ECE2: variants seen among roughly 807,000 people sequenced by gnomAD.
ECE2 encodes the protein endothelin-converting enzyme 2.
A neutral mutation model predicts 100.6 loss-of-function variants in ECE2; 81 were observed. The observed-to-expected ratio is 0.81, with a 90% CI of 0.67 to 0.97. The LOEUF (loss-of-function observed/expected upper bound fraction) is 0.97, where lower values mean the gene tolerates loss of function less well. ECE2 is among the 50% of genes least tolerant of loss of function. The pLI, the probability that ECE2 is intolerant of heterozygous loss-of-function variation, is 0.00. For missense variants in ECE2, 911 were observed against 988.1 expected, an observed-to-expected ratio of 0.92 and a Z score of 1.05; for synonymous variants, 391 against 391.5, an observed-to-expected ratio of 1.00 and a Z score of 0.02.
In ECE2 at chr3:184,292,394, C is replaced by T. The variant is rs1721372720; in HGVS notation, c.*156C>T. The T allele has an allele frequency of 1.2e-6, 1 of 801,664 alleles. No individual in the cohort carries two copies. 49.7% of individuals were successfully genotyped at this position (801,664 alleles called of 1,614,324 possible). A position where few individuals can be genotyped will look rare whatever the true frequency, so the allele number is the denominator to read the frequency against. ...GACATGAGTACAGACCCTCCTCAAT[C>T]ACCACATTGTGCCTCTGCTTTGGGG... On this transcript the variant is annotated 3_prime_UTR_variant, in exon 19 of 19. Coordinates refer to ENST00000404464, the MANE Select transcript of ECE2 (RefSeq NM_001100121.2).
At chr3:184,283,561 C>CAAAAAAAAAAA (rs35761542) in intron 7 of ECE2, among the ~76,000 whole-genome samples, 4 of 53,088 alleles carry the variant, frequency 7.5e-5, no homozygotes, top group Non-Finnish European at 9.7e-5. Context: ...GACTCCATCT[C>CAAAAAAAAAAA]AAAAAAAAAA....
chr3:184,278,308 A>T lies in ECE2; in HGVS notation c.745A>T (p.Ile249Phe). 5 of 1,613,960 alleles carry T rather than the reference A, an allele frequency of 3.1e-6. No homozygotes were observed. The highest frequency in any genetic ancestry group is 4.2e-6 in the Non-Finnish European group (5 of 1,179,932). The part of the protein sequence containing the change: ...ADSKSSNSNV[I>F]QVDQSGLFLP... The stretch of plus-strand genomic sequence containing the variant: ...CTCTAAGAGTTCCAACAGCAATGTT[A>T]TCCAGGTGATGAGCTGGGAAAGGGT... The change falls in exon 6 of 19, where the codon ATC becomes TTC. Residue 249 changes from isoleucine to phenylalanine, a missense_variant. Coordinates refer to ENST00000404464, the MANE Select transcript of ECE2 (RefSeq NM_001100121.2).
At chr3:184,290,436 G>A (rs1721258778) in intron 14 of ECE2, 78 bp downstream of exon 14, 1 of 1,566,996 alleles carries the variant, frequency 6.4e-7, no homozygotes, top group East Asian at 2.2e-5. Context: ...GGGGAAAAGG[G>A]TGGCAAGACT....
At chr3:184,279,680 C>T (rs961066745) in intron 7 of ECE2, among the ~76,000 whole-genome samples, 2 of 144,206 alleles carry the variant, frequency 1.4e-5, no homozygotes, top group African/African-American at 5.1e-5. Flanking sequence ...AAAGTGTTGA[C>T]GAGGGAAAGG....
At chr3:184,277,900 C>G in intron 4 of ECE2, 25 bp from the exon 5 acceptor site, 1 of 1,608,954 alleles carries the variant, frequency 6.2e-7, no homozygotes, top group Non-Finnish European at 8.5e-7. Flanking sequence ...TAATTGCCAC[C>G]TGGATCCTGT....
chr3:184,284,115 G>A (rs1720928947), intron 8 of ECE2, 142 bp downstream of exon 8: 2 of 1,052,664 alleles, frequency 1.9e-6, no homozygotes, highest in South Asian at 1.6e-5. Context: ...CTGCACTGCT[G>A]CTGTCCTGGG....
In ECE2 at chr3:184,289,669, T is replaced by C; in HGVS notation, c.1502T>C (p.Phe501Ser). The change falls in exon 13 of 19, where the codon TTC (phenylalanine) becomes TCC (serine). Residue 501 changes from phenylalanine (F) to serine (S), a missense_variant. By Grantham distance (155) the Phe-to-Ser change is radical. Coordinates refer to ENST00000404464, the MANE Select transcript of ECE2 (RefSeq NM_001100121.2). This position sits in a 1 kb window ranked among gnomAD's most constrained non-coding sequence, Gnocchi z 4.1. Reference sequence around the variant, plus strand: ...GATGCCATCTATGATATGATTGGTTTCCCAGACTTTATCCTGGAGCCCAAA... The same window carrying C: ...GATGCCATCTATGATATGATTGGTTCCCCAGACTTTATCCTGGAGCCCAAA... ...KADAIYDMIG[F>S]PDFILEPKEL... The C allele has an allele frequency of 1.9e-6, 3 of 1,613,772 alleles. No homozygotes were observed. Among genetic ancestry groups the C allele is most frequent in the Non-Finnish European group, 2.5e-6 (3 of 1,179,872 alleles).
intron 7 of ECE2, 88 bp downstream of exon 7, chr3:184,278,645 C>T (rs1269918037): frequency 1.4e-6 from 2 of 1,445,586 alleles, no homozygotes; most frequent in Non-Finnish European, 1.9e-6. Flanking sequence ...AGGGTCAGAG[C>T]AGGGAAGGTG....
chr3:184,288,779 A>T (rs1367054959), intron 11 of ECE2, among the ~76,000 whole-genome samples: 1 of 152,228 alleles, frequency 6.6e-6, no homozygotes, highest in East Asian at 1.9e-4. Context: ...TTATCTATGA[A>T]TGAGTGCTTT....
chr3:184,287,067 A>T (rs1400008292), intron 10 of ECE2, among the ~76,000 whole-genome samples: 1 of 151,724 alleles, frequency 6.6e-6, no homozygotes, highest in African/African-American at 2.4e-5. Flanking sequence ...TGAAGTAAGG[A>T]GTTCAAGACC....
chr3:184,278,059 C>T lies in ECE2; in HGVS notation c.603+10C>T. ...AGACCTCATTGAGAAGGTAGGGCCA[C>T]TGAGCCGGTTGAGGGCAGGGGAGCA... On this transcript the variant is annotated intron_variant, in intron 5 of 18. Transcript: ENST00000404464. 1 of 1,613,908 alleles carries T rather than the reference C, an allele frequency of 6.2e-7. No homozygotes were observed. The highest frequency in any genetic ancestry group is 8.5e-7 in the Non-Finnish European group (1 of 1,179,968).
At position 184,289,864 on chromosome 3, in the gene ECE2, T is replaced by C. The variant is rs1466034610; in HGVS notation, c.1551+146T>C. 4 of 726,144 alleles carry C rather than the reference T, an allele frequency of 5.5e-6. No homozygotes were observed. Among genetic ancestry groups the C allele is most frequent in the Non-Finnish European group, 8.8e-6 (4 of 456,708 alleles). 45.0% of individuals were successfully genotyped at this position (726,144 alleles called of 1,614,324 possible). A position where few individuals can be genotyped will look rare whatever the true frequency, so the allele number is the denominator to read the frequency against. On this transcript the variant is annotated intron_variant, in intron 13 of 18. Coordinates refer to ENST00000404464, the MANE Select transcript of ECE2 (RefSeq NM_001100121.2). This position sits in a 1 kb window ranked among gnomAD's most constrained non-coding sequence, Gnocchi z 4.1. ...ATGGAGGTAACCAGCATTGTTAAAA[T>C]GTTGGCTCTGTGACAGGCTGCAGGC... is the stretch of plus-strand genomic sequence containing the variant.
In ECE2 at chr3:184,292,365, A is replaced by C. The variant is rs1721371355; in HGVS notation, c.*127A>C. Reference sequence around the variant, plus strand: ...GCTGGGTCTAGTCCCTCCCCCCCACAGGTGACATGAGTACAGACCCTCCTC... The same window carrying C: ...GCTGGGTCTAGTCCCTCCCCCCCACCGGTGACATGAGTACAGACCCTCCTC... On this transcript the variant is annotated 3_prime_UTR_variant, in exon 19 of 19. Transcript: ENST00000404464. 7 of 1,086,972 alleles carry C rather than the reference A, an allele frequency of 6.4e-6. No individual in the cohort carries two copies. Among genetic ancestry groups the C allele is most frequent in the East Asian group, 2.5e-5 (1 of 39,240 alleles). 67.3% of individuals were successfully genotyped at this position (1,086,972 alleles called of 1,614,324 possible).
At chr3:184,284,281 A>C (rs546280221) in intron 8 of ECE2, among the ~76,000 whole-genome samples, 1 of 152,080 alleles carries the variant, frequency 6.6e-6, no homozygotes, top group Non-Finnish European at 1.5e-5. Flanking sequence ...GGTGGCTGAC[A>C]TCTGTAATCC....
chr3:184,289,371 G>A lies in ECE2; in HGVS notation c.1375-66G>A. 6.8e-7 allele frequency: 1 copy of A among 1,464,886 alleles called. No homozygotes were observed. Among genetic ancestry groups the A allele is most frequent in the South Asian group, 1.2e-5 (1 of 82,380 alleles). The allele number at this position is 1,464,886 out of a possible 1,614,324, so 90.7% of individuals were successfully genotyped here. ...GGGTGGACAGGGATGGGGCACCAAG[G>A]GTGGATGGGTGGGGCAGGGATGCAT... On this transcript the variant is annotated intron_variant, in intron 11 of 18. Transcript: ENST00000404464. This position sits in a 1 kb window ranked among gnomAD's most constrained non-coding sequence, Gnocchi z 4.1.
At chr3:184,288,749 A>G (rs544957468) in intron 11 of ECE2, among the ~76,000 whole-genome samples, 17 of 152,234 alleles carry the variant, frequency 1.1e-4, no homozygotes, top group Non-Finnish European at 2.5e-4. Flanking sequence ...AGAAGTGGGT[A>G]ATCAAAATGT....
chr3:184,287,908 C>T lies in ECE2; in HGVS notation c.1335C>T (p.Leu445=). The T allele has an allele frequency of 1.2e-6, 2 of 1,614,208 alleles. No individual in the cohort carries two copies. The highest frequency in any genetic ancestry group is 1.7e-6 in the Non-Finnish European group (2 of 1,180,034). The change falls in exon 11 of 19, where the codon CTC becomes CTT. Residue 445 remains leucine, a synonymous_variant. Transcript: ENST00000404464. ...CCCTTGGCTTTGCTTTGGGGTCCCTCTTCGTGAAGGCCACGTTTGACCGGC... is the reference window on the plus strand; with the variant it reads ...CCCTTGGCTTTGCTTTGGGGTCCCTTTTCGTGAAGGCCACGTTTGACCGGC... ...DDALGFALGS[L]FVKATFDRQS...
At chr3:184,284,663 G>C (rs1410004902) in intron 8 of ECE2, among the ~76,000 whole-genome samples, 2 of 152,190 alleles carry the variant, frequency 1.3e-5, no homozygotes, top group African/African-American at 2.4e-5. Flanking sequence ...GGTTCTGGAG[G>C]AGAAGCCAGT....
chr3:184,284,185 G>C (rs377561871), intron 8 of ECE2, among the ~76,000 whole-genome samples: 50 of 152,166 alleles, frequency 3.3e-4, no homozygotes, highest in African/African-American at 1.1e-3. Flanking sequence ...TCCCTTTCTT[G>C]CCTGGGGATG....
Sources: gnomAD v4.1 joint callset for allele counts (sites outside exome capture counted in the v4.1 genomes callset) on GRCh38, gnomAD v4.1.1 for gene constraint, Gnocchi (gnomAD v3.1) non-coding constraint, MANE v1.5 for transcripts, NCBI Gene and HGNC (gene_info 2026-07-23, HGNC 2026-07-21) for gene names.